The following CCSER1 variants were observed in gnomAD, a reference collection of about 807,000 sequenced individuals.
The protein encoded by CCSER1 is serine-rich coiled-coil domain-containing protein 1.
CCSER1 carries 41 observed loss-of-function variants against 82.0 expected under a neutral mutation model. The ratio of observed to expected loss-of-function variants is 0.50; its 90% CI spans 0.39 to 0.65. The LOEUF is 0.65. Ranked by LOEUF, CCSER1 falls within the 30% of genes least tolerant of loss-of-function variation. The pLI is 0.00. For missense variants in CCSER1, 1,119 were observed against 1,064.2 expected, an observed-to-expected ratio of 1.05 and a Z score of -0.72; for synonymous variants, 414 against 383.9, an observed-to-expected ratio of 1.08 and a Z score of -0.92.
intron 10 of CCSER1, among the ~76,000 whole-genome samples, chr4:91,142,868 T>G (rs1175710953): frequency 6.6e-6 from 1 of 152,138 alleles, no homozygotes; most frequent in East Asian, 1.9e-4. Context: ...ACCATGCTAT[T>G]TTGGTTACTG....
chr4:91,287,968 T>C (rs1454134683), intron 10 of CCSER1, among the ~76,000 whole-genome samples: 1 of 125,682 alleles, frequency 8.0e-6, no homozygotes, highest in Non-Finnish European at 1.8e-5. Flanking sequence ...GTAAAAGTTA[T>C]GCTCTGTTCT....
At chr4:90,483,015 T>G (rs991689206) in intron 5 of CCSER1, among the ~76,000 whole-genome samples, 12 of 152,192 alleles carry the variant, frequency 7.9e-5, no homozygotes, top group African/African-American at 2.9e-4. Flanking sequence ...CTAAGTCACT[T>G]TGTAGGTCAC....
chr4:90,413,822 G>C (rs1202258580), intron 4 of CCSER1, among the ~76,000 whole-genome samples: 1 of 148,628 alleles, frequency 6.7e-6, no homozygotes, highest in African/African-American at 2.5e-5. Context: ...AGTGGCGGGC[G>C]CCTGTAGTTC....
rs79786302 is a variant in CCSER1, at chr4:90,226,198, G to A, written c.-41-82046G>A. On this transcript the variant is annotated intron_variant, in intron 1 of 10. Transcript: ENST00000509176. The stretch of plus-strand genomic sequence containing the variant: ...AACTGCTTCTGCATGAATGGCCTAT[G>A]TGAGATCAGCAGAAAAGCCAGCCAG... Among the ~76,000 whole-genome samples, 36 of 152,346 alleles carry A rather than the reference G, an allele frequency of 2.4e-4. No homozygotes were observed. In the East Asian group the frequency reaches 6.9e-3, roughly 29 times the overall value.
intron 3 of CCSER1, among the ~76,000 whole-genome samples, chr4:90,315,890 A>G (rs554430082): frequency 6.6e-6 from 1 of 152,320 alleles, no homozygotes; most frequent in Non-Finnish European, 1.5e-5. Context: ...GGTAGGGATT[A>G]TTTAGTTCTA....
At chr4:90,259,596 G>C (rs1723947596) in intron 1 of CCSER1, among the ~76,000 whole-genome samples, 3 of 152,078 alleles carry the variant, frequency 2.0e-5, no homozygotes, top group Admixed American at 2.0e-4. Context: ...CTGTGGGTTT[G>C]TCATATATGG....
intron 10 of CCSER1, among the ~76,000 whole-genome samples, chr4:91,480,144 G>T (rs1053065306): frequency 6.6e-6 from 1 of 151,186 alleles, no homozygotes; most frequent in African/African-American, 2.4e-5. Flanking sequence ...GTCTATCATT[G>T]TTGGACATTT....
rs140425553 is a variant in CCSER1 at position 91,284,284 on chromosome 4, G to T, written c.2217+198290G>T. 4.7e-4 allele frequency among the ~76,000 whole-genome samples: 71 copies of T among 152,088 alleles called. No individual in the cohort carries two copies. The East Asian group carries it at 0.011, about 23-fold the overall frequency. ...AGCTAATGAGAACTTTCCTAGAAAA[G>T]GAAATCCATTAAAAGAAATACTTCT... On this transcript the variant is annotated intron_variant, in intron 10 of 10. Transcript: ENST00000509176.
At chr4:91,202,684 T>A (rs1467097390) in intron 10 of CCSER1, among the ~76,000 whole-genome samples, 1 of 43,556 alleles carries the variant, frequency 2.3e-5, no homozygotes, top group Non-Finnish European at 4.3e-5. Context: ...TCACTGTCCG[T>A]AGACCAAGAA....
At chr4:91,228,167 G>C (rs922808856) in intron 10 of CCSER1, among the ~76,000 whole-genome samples, 1 of 151,994 alleles carries the variant, frequency 6.6e-6, no homozygotes, top group Non-Finnish European at 1.5e-5. Flanking sequence ...TGAGAAGACC[G>C]ACAATTGTCA....
intron 9 of CCSER1, among the ~76,000 whole-genome samples, chr4:90,975,688 A>G (rs995558309): frequency 1.3e-5 from 2 of 151,248 alleles, no homozygotes; most frequent in Non-Finnish European, 3.0e-5. Context: ...TTGTTGCTAA[A>G]CAGATGAAAA....
chr4:90,813,789 A>G (rs1484256110), intron 7 of CCSER1, among the ~76,000 whole-genome samples: 10 of 152,078 alleles, frequency 6.6e-5, no homozygotes, highest in Admixed American at 5.2e-4. Flanking sequence ...ATGAAAATGG[A>G]CTAATACAGT....
intron 4 of CCSER1, among the ~76,000 whole-genome samples, chr4:90,433,761 A>G (rs1376675549): frequency 6.6e-6 from 1 of 151,990 alleles, no homozygotes; most frequent in Non-Finnish European, 1.5e-5. Flanking sequence ...TTCTTCTAAT[A>G]ATATCATAAT....
intron 1 of CCSER1, among the ~76,000 whole-genome samples, chr4:90,155,330 C>T (rs1727875000): frequency 6.6e-6 from 1 of 152,022 alleles, no homozygotes; most frequent in Admixed American, 6.6e-5. Flanking sequence ...GGATATTGGT[C>T]TAAAATTGTC....
At chr4:91,164,961 C>T (rs1276202255) in intron 10 of CCSER1, among the ~76,000 whole-genome samples, 1 of 152,186 alleles carries the variant, frequency 6.6e-6, no homozygotes, top group South Asian at 2.1e-4. Context: ...CTCCGTCCAC[C>T]TTTTTTCCAT....
intron 10 of CCSER1, among the ~76,000 whole-genome samples, chr4:91,199,699 TTAA>T (rs1318057819): frequency 6.6e-6 from 1 of 151,946 alleles, no homozygotes; most frequent in Non-Finnish European, 1.5e-5. Context: ...TTATAGAAAA[TTAA>T]TAATGCTTCA....
chr4:90,225,447 A>G (rs376420829), intron 1 of CCSER1, among the ~76,000 whole-genome samples: 5 of 152,194 alleles, frequency 3.3e-5, no homozygotes, highest in Admixed American at 1.3e-4. Context: ...AACCTAAACT[A>G]TAACCTCCAC....
At chr4:91,177,004 G>A (rs913377920) in intron 10 of CCSER1, among the ~76,000 whole-genome samples, 2 of 152,056 alleles carry the variant, frequency 1.3e-5, no homozygotes, top group African/African-American at 4.8e-5. Context: ...ATCAATACTA[G>A]TTTATTGAGA....
At chr4:90,189,572 A>T (rs539976594) in intron 1 of CCSER1, among the ~76,000 whole-genome samples, 1 of 151,996 alleles carries the variant, frequency 6.6e-6, no homozygotes, top group East Asian at 1.9e-4. Flanking sequence ...GTATATATAC[A>T]TATATATACC....
Sources: allele counts gnomAD v4.1 joint callset (sites outside exome capture counted in the v4.1 genomes callset), GRCh38; gene constraint gnomAD v4.1.1; transcripts MANE v1.5; gene names NCBI Gene and HGNC (gene_info 2026-07-23, HGNC 2026-07-21).